Variants in SASH1 observed in about 807,000 individuals in gnomAD.
SASH1 encodes the protein SAM and SH3 domain-containing protein 1.
SASH1 carries 44 observed loss-of-function variants against 125.2 expected under a neutral mutation model. That is an observed-to-expected ratio of 0.35 (90% confidence interval 0.28 to 0.45). SASH1 has a LOEUF of 0.45. Ranked by LOEUF, SASH1 falls within the 20% of genes least tolerant of loss-of-function variation. The probability of loss-of-function intolerance (pLI) is 1.00; values close to 1 mark genes in which losing one functional copy is unlikely to be tolerated. For missense variants in SASH1, 1,426 were observed against 1,614.5 expected (o/e 0.88, Z 2.00); for synonymous variants, 639 against 649.1 (o/e 0.98, Z 0.24).
At chr6:148,516,026 A>G (rs1272205068) in intron 9 of SASH1, among the ~76,000 whole-genome samples, 3 of 152,246 alleles carry the variant, frequency 2.0e-5, no homozygotes, top group Non-Finnish European at 4.4e-5. Context: ...CAGACATTGT[A>G]ATTTGCACAT....
At chr6:148,204,295 G>A in the SASH1 span, among the ~76,000 whole-genome samples, 7 of 152,188 alleles carry the variant, frequency 4.6e-5, no homozygotes, top group African/African-American at 1.7e-4. Flanking sequence ...CACCACAATC[G>A]ACAGTACAAA....
intron 1 of SASH1, among the ~76,000 whole-genome samples, chr6:148,284,009 A>G (rs1277401583): frequency 1.3e-5 from 2 of 152,130 alleles, no homozygotes; most frequent in East Asian, 1.9e-4. Flanking sequence ...GCTATAGTCC[A>G]TTAGCAGGAA....
chr6:148,286,970 C>T (rs1471176599), intron 1 of SASH1, among the ~76,000 whole-genome samples: 5 of 152,154 alleles, frequency 3.3e-5, no homozygotes, highest in Non-Finnish European at 7.3e-5. Flanking sequence ...TTCCATACCA[C>T]CCTGCACCCT....
At chr6:148,352,921 G>A (rs1263157395) in intron 1 of SASH1, among the ~76,000 whole-genome samples, 2 of 152,120 alleles carry the variant, frequency 1.3e-5, no homozygotes, top group Non-Finnish European at 2.9e-5. Flanking sequence ...AGTGAGCTGA[G>A]ATTGTGCTAC....
chr6:148,372,938 T>G (rs1782754127), intron 1 of SASH1, among the ~76,000 whole-genome samples: 1 of 152,114 alleles, frequency 6.6e-6, no homozygotes, highest in Non-Finnish European at 1.5e-5. Context: ...CTCACTCCTG[T>G]AATCCCAGCA....
the SASH1 span, among the ~76,000 whole-genome samples, chr6:148,256,356 CT>C: frequency 1.3e-5 from 2 of 152,120 alleles, no homozygotes; most frequent in Non-Finnish European, 2.9e-5. Flanking sequence ...TTATAAAGTG[CT>C]TTAATTTATA....
At chr6:148,513,213 T>C in intron 8 of SASH1, 1 of 985,430 alleles carries the variant, frequency 1.0e-6, no homozygotes, top group Non-Finnish European at 1.2e-6. Context: ...AGATGAGGCT[T>C]GTTTTTGTTT....
intron 1 of SASH1, among the ~76,000 whole-genome samples, chr6:148,326,345 T>TATATATATATAC (rs1780810142): frequency 1.1e-5 from 1 of 89,048 alleles, no homozygotes; most frequent in Non-Finnish European, 2.1e-5. Context: ...TATATATATA[T>TATATATATATAC]ATATATATAT....
chr6:148,548,160 A>ACACT (rs58403589), intron 19 of SASH1, 135 bp from the exon 20 acceptor site: 37,252 of 753,282 alleles, frequency 0.049, 1,066 homozygotes, highest in Non-Finnish European at 0.053. Context: ...TTGATCTCTG[A>ACACT]CACTCATTGC....
chr6:148,542,532 G>A (rs868165423), intron 17 of SASH1, among the ~76,000 whole-genome samples: 11 of 152,052 alleles, frequency 7.2e-5, no homozygotes, highest in South Asian at 2.1e-4. Flanking sequence ...GACTACAGGC[G>A]CCTGCCACCA....
At chr6:148,481,890 C>T (rs987199212) in intron 7 of SASH1, among the ~76,000 whole-genome samples, 9 of 152,274 alleles carry the variant, frequency 5.9e-5, no homozygotes, top group East Asian at 1.9e-4. Context: ...CTGATAAACT[C>T]GTTCGATGCA....
intron 2 of SASH1, among the ~76,000 whole-genome samples, chr6:148,416,084 C>G (rs762067991): frequency 6.6e-6 from 1 of 152,208 alleles, no homozygotes; most frequent in Non-Finnish European, 1.5e-5. Flanking sequence ...TTTGTCTTAG[C>G]AGGTTACAGG....
intron 1 of SASH1, among the ~76,000 whole-genome samples, chr6:148,379,081 C>T (rs1783027946): frequency 6.6e-6 from 1 of 152,166 alleles, no homozygotes; most frequent in Non-Finnish European, 1.5e-5. Flanking sequence ...TTCAAAATCT[C>T]TGTGGTTTGG....
the SASH1 span, among the ~76,000 whole-genome samples, chr6:148,260,966 G>A: frequency 8.6e-5 from 13 of 151,638 alleles, no homozygotes; most frequent in Non-Finnish European, 1.2e-4. Context: ...CACCACACCC[G>A]GCTAATTTTT....
At chr6:148,384,652 A>T (rs1314652529) in intron 1 of SASH1, among the ~76,000 whole-genome samples, 1 of 152,176 alleles carries the variant, frequency 6.6e-6, no homozygotes, top group Non-Finnish European at 1.5e-5. Flanking sequence ...TTTATGGAGT[A>T]GGTCTGTAGC....
chr6:148,494,310 T>C (rs1449605946), intron 8 of SASH1, among the ~76,000 whole-genome samples: 1 of 152,238 alleles, frequency 6.6e-6, no homozygotes, highest in Non-Finnish European at 1.5e-5. Flanking sequence ...GAGTCATCTT[T>C]ACCGTTCAGT....
intron 11 of SASH1, among the ~76,000 whole-genome samples, chr6:148,526,963 C>T (rs1781209489): frequency 6.6e-6 from 1 of 151,952 alleles, no homozygotes; most frequent in Non-Finnish European, 1.5e-5. Flanking sequence ...AGCTCCACCT[C>T]CCGGATTCAC....
chr6:148,340,375 C>T (rs1781285152), upstream of SASH1, among the ~76,000 whole-genome samples: 1 of 151,738 alleles, frequency 6.6e-6, no homozygotes, highest in African/African-American at 2.4e-5. Context: ...CCCAGCTACT[C>T]AGGAGGCTGA....
chr6:148,438,820 A>T (rs1260803381), intron 2 of SASH1, among the ~76,000 whole-genome samples: 6 of 151,554 alleles, frequency 4.0e-5, no homozygotes, highest in Non-Finnish European at 8.8e-5. Context: ...TGTGCGGTGC[A>T]GCGTTGTCAG....
Sources: gnomAD v4.1 joint callset for allele counts (sites outside exome capture counted in the v4.1 genomes callset) on GRCh38, gnomAD v4.1.1 for gene constraint, MANE v1.5 for transcripts, NCBI Gene and HGNC (gene_info 2026-07-23, HGNC 2026-07-21) for gene names.